Variants in SYNE1 observed in about 807,000 individuals in gnomAD.
SYNE1 encodes the protein spectrin repeat containing nuclear envelope protein 1.
In SYNE1, 616 loss-of-function variants were observed where a neutral mutation model predicts 1,111.0. The ratio of observed to expected loss-of-function variants is 0.55; its 90% CI spans 0.52 to 0.59. The LOEUF (loss-of-function observed/expected upper bound fraction) is 0.59, where lower values mean the gene tolerates loss of function less well. Among genes scored for constraint, SYNE1 ranks in the 20% least tolerant of loss-of-function variants. The pLI is 0.00. For missense variants in SYNE1, 10,006 were observed against 10,417.0 expected (o/e 0.96, Z 1.72); for synonymous variants, 3,855 against 3,825.8 (o/e 1.01, Z -0.28).
intron 71 of SYNE1, 49 bp from the exon 72 acceptor site, chr6:152,350,384 C>T (rs1186336907): frequency 1.9e-6 from 3 of 1,612,718 alleles, no homozygotes; most frequent in Non-Finnish European, 2.5e-6. Flanking sequence ...GAAAAACCTA[C>T]TCAAAACTGT....
Position 152,293,943 on chromosome 6 carries a change from C to A in SYNE1, c.17850+17G>T. ...TGGTGTCTGGTGGGCATAAACTAGT[C>A]CACCTTGAAGACTTACCACATTCTT... On this transcript the variant is annotated intron_variant, in intron 94 of 145. Coordinates refer to ENST00000367255, the MANE Select transcript of SYNE1 (RefSeq NM_182961.4). 1.2e-6 allele frequency: 2 copies of A among 1,613,994 alleles called. No homozygotes were observed. The highest frequency in any genetic ancestry group is 1.7e-6 in the Non-Finnish European group (2 of 1,180,004).
intron 53 of SYNE1, among the ~76,000 whole-genome samples, chr6:152,389,766 T>C (rs938096661): frequency 1.8e-4 from 28 of 152,342 alleles, no homozygotes; most frequent in African/African-American, 6.7e-4. Flanking sequence ...TTGTAGGATA[T>C]GAGCTCTCTG....
At chr6:152,606,348 C>G (rs910856792) in intron 3 of SYNE1, among the ~76,000 whole-genome samples, 1 of 152,150 alleles carries the variant, frequency 6.6e-6, no homozygotes, top group East Asian at 1.9e-4. Context: ...TCCACTGCCC[C>G]CTGTCCAGAG....
At chr6:152,561,849 C>T (rs570630153) in intron 3 of SYNE1, among the ~76,000 whole-genome samples, 1 of 152,248 alleles carries the variant, frequency 6.6e-6, no homozygotes, top group Non-Finnish European at 1.5e-5. Flanking sequence ...GGAAAACTGG[C>T]TATCCACATG....
intron 6 of SYNE1, among the ~76,000 whole-genome samples, chr6:152,517,533 G>A (rs1388385771): frequency 2.6e-5 from 4 of 152,182 alleles, no homozygotes; most frequent in African/African-American, 9.7e-5. Context: ...TATGCACATA[G>A]TTATTAACTG....
At chr6:152,456,672 A>G in intron 22 of SYNE1, 1 of 442,036 alleles carries the variant, frequency 2.3e-6, no homozygotes, top group South Asian at 1.6e-5. Context: ...ACTTACAGAC[A>G]CCTCCACCTC....
intron 66 of SYNE1, 115 bp downstream of exon 66, chr6:152,358,258 A>T: frequency 7.3e-7 from 1 of 1,370,526 alleles, no homozygotes; most frequent in Non-Finnish European, 1.0e-6. Flanking sequence ...GATTGCACTT[A>T]ATGTGTATCA....
At chr6:152,435,897 A>G in intron 33 of SYNE1, 44 bp downstream of exon 33, 1 of 1,610,678 alleles carries the variant, frequency 6.2e-7, no homozygotes, top group Non-Finnish European at 8.5e-7. Flanking sequence ...ATTGTATGAA[A>G]CTTTATCTCA....
chr6:152,272,966 T>G (rs764629283), intron 98 of SYNE1, among the ~76,000 whole-genome samples: 19 of 152,364 alleles, frequency 1.2e-4, no homozygotes, highest in Middle Eastern at 6.8e-3. Flanking sequence ...GCTCCTTTTC[T>G]TCCCACAGAT....
In SYNE1 at chr6:152,310,436, A is replaced by G. The variant is rs2095512765; in HGVS notation, c.16979T>C (p.Val5660Ala). The G allele has an allele frequency of 2.5e-6, 4 of 1,614,154 alleles. No individual in the cohort carries two copies. Among genetic ancestry groups the G allele is most frequent in the East Asian group, 2.2e-5 (1 of 44,880 alleles). Residue 5660 changes from valine to alanine, a missense_variant, in exon 89 of 146, where the codon GTT becomes GCT. Physicochemically the swap from Val to Ala is moderately conservative, Grantham distance 64 (BLOSUM62 0). This residue lies in a region of SYNE1 where 4,955 missense variants were observed against 5,017.2 expected (regional missense o/e 0.99). Coordinates refer to ENST00000367255, the MANE Select transcript of SYNE1 (RefSeq NM_182961.4). ...QAQATLTSPE[V>A]GRLSLKEQLS... ...CTGCTCCTTGAGACTGAGACGTCCA[A>G]CTTCTGGAGAAGTCAGTGTTGCCTG...
chr6:152,463,147 T>C (rs1257735771), intron 19 of SYNE1, among the ~76,000 whole-genome samples: 11 of 152,194 alleles, frequency 7.2e-5, no homozygotes, highest in African/African-American at 2.4e-4. Flanking sequence ...AACATAATCC[T>C]TAATCAAACT....
intron 3 of SYNE1, among the ~76,000 whole-genome samples, chr6:152,616,096 TA>T (rs371461062): frequency 2.6e-4 from 40 of 152,284 alleles, no homozygotes; most frequent in Non-Finnish European, 4.6e-4. Context: ...TTGAAATAAT[TA>T]ATATTCAAAA....
At chr6:152,136,593 A>C (rs757792605) in intron 141 of SYNE1, 25 bp downstream of exon 141, 3 of 1,611,640 alleles carry the variant, frequency 1.9e-6, no homozygotes, top group Non-Finnish European at 2.5e-6. Context: ...TCTCTGAGTC[A>C]CCTCCTGCCC....
At chr6:152,218,445 A>C (rs777225554) in intron 120 of SYNE1, 42 bp from the exon 121 acceptor site, 36 of 1,606,406 alleles carry the variant, frequency 2.2e-5, no homozygotes, top group Non-Finnish European at 2.9e-5. Flanking sequence ...GTTAAAAAAA[A>C]AAAAATTGGT....
chr6:152,337,200 A>AT lies in SYNE1; in HGVS notation c.12352-184dup, dbSNP rs67742986. On this transcript the variant is annotated intron_variant, in intron 75 of 145. Transcript: ENST00000367255. ...TCTTTATTTGCTTCAGGAAAAGCAG[A>AT]TTTTTTTTAAAAAAATGTAGGGTTC... Among the ~76,000 whole-genome samples, 1,542 of 151,568 alleles carry AT rather than the reference A, an allele frequency of 0.01. 10 individuals are homozygous for AT. Among genetic ancestry groups the AT allele is most frequent in the Non-Finnish European group, 0.016 (1,092 of 67,782 alleles).
intron 4 of SYNE1, among the ~76,000 whole-genome samples, chr6:152,536,328 G>C (rs376516737): frequency 7.3e-6 from 1 of 137,004 alleles, no homozygotes; most frequent in Non-Finnish European, 1.5e-5. Context: ...AATATATATA[G>C]TAATATATAT....
rs180698999 is a variant in SYNE1, at chr6:152,277,538, T to C, written c.18573+551A>G. On this transcript the variant is annotated intron_variant, in intron 98 of 145. Coordinates refer to ENST00000367255, the MANE Select transcript of SYNE1 (RefSeq NM_182961.4). ...CCTGACCTCAAGTGATCTGCTTGTC[T>C]CGGCCTCCCAAAGTGCTGGGATTAC... 442 of 159,872 alleles carry C rather than the reference T, an allele frequency of 2.8e-3. 3 individuals carry two copies. The highest frequency in any genetic ancestry group is 9.9e-3 in the African/African-American group (411 of 41,504). 9.9% of individuals were successfully genotyped at this position (159,872 alleles called of 1,614,324 possible). A position where few individuals can be genotyped will look rare whatever the true frequency, so the allele number is the denominator to read the frequency against.
chr6:152,428,000 A>G (rs1453838058), intron 37 of SYNE1, among the ~76,000 whole-genome samples, 184 bp from the exon 38 acceptor site: 1 of 152,170 alleles, frequency 6.6e-6, no homozygotes, highest in Non-Finnish European at 1.5e-5. Flanking sequence ...ACTCACATTT[A>G]TATTGGATAA....
intron 14 of SYNE1, among the ~76,000 whole-genome samples, 196 bp downstream of exon 14, chr6:152,482,889 G>A (rs920458764): frequency 5.3e-5 from 8 of 152,212 alleles, no homozygotes; most frequent in African/African-American, 1.9e-4. Context: ...ATCTCAGGAA[G>A]TCAACCCACT....
Sources: allele counts gnomAD v4.1 joint callset (sites outside exome capture counted in the v4.1 genomes callset), GRCh38; gene constraint gnomAD v4.1.1; regional missense constraint gnomAD v4.1.1; transcripts MANE v1.5; gene names NCBI Gene and HGNC (gene_info 2026-07-23, HGNC 2026-07-21).